Variants in RAB11FIP1 observed in about 807,000 individuals in gnomAD.
RAB11FIP1 encodes rab11 family-interacting protein 1.
RAB11FIP1 carries 49 observed loss-of-function variants against 83.1 expected under a neutral mutation model. The ratio of observed to expected loss-of-function variants is 0.59; its 90% CI spans 0.47 to 0.75. RAB11FIP1 has a LOEUF of 0.75. RAB11FIP1 is among the 30% of genes least tolerant of loss of function. The pLI is 0.00. For synonymous variants in RAB11FIP1, 670 were observed against 656.0 expected (o/e 1.02, Z -0.33); for missense variants, 1,536 against 1,598.7 (o/e 0.96, Z 0.67).
intron 1 of RAB11FIP1, among the ~76,000 whole-genome samples, chr8:37,879,755 T>G (rs1316945707): frequency 1.3e-5 from 2 of 151,972 alleles, no homozygotes; most frequent in South Asian, 4.2e-4. Context: ...TTGTGCCACA[T>G]GCCTGTAATT....
Position 37,872,948 on chromosome 8 carries a change from T to C in RAB11FIP1, c.1854A>G (p.Val618=). 6.2e-7 allele frequency: 1 copy of C among 1,614,208 alleles called. No homozygotes were observed. ...TSTPIESWPL[V]DRGQAKSEGP... Reference sequence around the variant, plus strand: ...CTTCAGACTTGGCCTGGCCCCTGTCTACGAGAGGCCAGCTTTCAATTGGAG... The same window carrying C: ...CTTCAGACTTGGCCTGGCCCCTGTCCACGAGAGGCCAGCTTTCAATTGGAG... Residue 618 remains valine (V), a synonymous_variant, in exon 4 of 6, where the codon GTA becomes GTG. Coordinates refer to ENST00000330843, the MANE Select transcript of RAB11FIP1 (RefSeq NM_001002814.3).
chr8:37,881,107 C>T (rs1390666704), intron 1 of RAB11FIP1, among the ~76,000 whole-genome samples: 1 of 152,236 alleles, frequency 6.6e-6, no homozygotes, highest in South Asian at 2.1e-4. Context: ...TAAACAGCAC[C>T]TGTGGCATAC....
intron 2 of RAB11FIP1, among the ~76,000 whole-genome samples, chr8:37,875,733 A>G (rs1806594005): frequency 6.6e-6 from 1 of 152,172 alleles, no homozygotes; most frequent in African/African-American, 2.4e-5. Flanking sequence ...GGTTGAGCAC[A>G]TCACAGGAAC....
chr8:37,874,436 CAAGAGCTGGTCTAACGTAA>C, intron 3 of RAB11FIP1, 60 bp downstream of exon 3: 2 of 1,139,460 alleles, frequency 1.8e-6, no homozygotes, highest in Non-Finnish European at 2.6e-6. Context: ...ATGGGACCCA[CAAGAGCTGGTCTAACGTAA>C]GCCTGAAAAC....
At chr8:37,877,708 ATTTTTTTTTTT>A (rs59670170) in intron 1 of RAB11FIP1, 157 bp from the exon 2 acceptor site, 44 of 211,112 alleles carry the variant, frequency 2.1e-4, no homozygotes, top group Middle Eastern at 1.7e-3. Flanking sequence ...TGAGAGCAGA[ATTTTTTTTTTT>A]TTTTTTTTTT....
chr8:37,871,483 T>C lies in RAB11FIP1; in HGVS notation c.3319A>G (p.Thr1107Ala). Residue 1107 changes from threonine (T) to alanine (A), a missense_variant, in exon 4 of 6, where the codon ACA becomes GCA. By Grantham distance (58) the Thr-to-Ala change is moderately conservative. Coordinates refer to ENST00000330843, the MANE Select transcript of RAB11FIP1 (RefSeq NM_001002814.3). ...TGTGCAGAGCTGGGGAAAGAGTGTG[T>C]GACAGGAAAGATCTCAGAAGGGGAG... ...SPSPSEIFPV[T>A]HSFPSSAHSD... 3 of 1,613,278 alleles carry C rather than the reference T, an allele frequency of 1.9e-6. No individual in the cohort carries two copies. The highest frequency in any genetic ancestry group is 2.5e-6 in the Non-Finnish European group (3 of 1,179,686).
At chr8:37,871,005 T>C (rs766115146) in intron 4 of RAB11FIP1, 4 of 424,826 alleles carry the variant, frequency 9.4e-6, no homozygotes, top group Non-Finnish European at 8.4e-6. Flanking sequence ...GTTAAGATAC[T>C]GGTGGCATTG....
In RAB11FIP1 at chr8:37,871,719, C is replaced by T; in HGVS notation, c.3083G>A (p.Cys1028Tyr). ...ADRLVLGEGLCDFRLQAPQAS... is the reference protein window; with the variant it reads ...ADRLVLGEGLYDFRLQAPQAS... ...CTGGGGTGCTTGCAGCCTGAAATCA[C>T]ACAGGCCCTCCCCCAGTACCAACCT... Residue 1028 changes from cysteine to tyrosine, a missense_variant, in exon 4 of 6, where the codon TGT (cysteine) becomes TAT (tyrosine). Cys to Tyr is a radical substitution (Grantham distance 194, BLOSUM62 -2). Transcript: ENST00000330843. The T allele has an allele frequency of 6.2e-7, 1 of 1,613,622 alleles. No individual in the cohort carries two copies.
At position 37,877,515 on chromosome 8, in the gene RAB11FIP1, G is replaced by A; in HGVS notation, c.408C>T (p.Asp136=). The A allele has an allele frequency of 2.5e-6, 4 of 1,610,482 alleles. No homozygotes were observed. Among genetic ancestry groups the A allele is most frequent in the Non-Finnish European group, 3.4e-6 (4 of 1,179,804 alleles). ...YKLKSKPGKK[D]KERGEIEVDI... ...CAACCTCAATTTCTCCTCGCTCCTT[G>A]TCCTTCTTTCCTGGTTTGGATTTCA... The change falls in exon 2 of 6, where the codon GAC becomes GAT. Residue 136 remains aspartate, a synonymous_variant. Transcript: ENST00000330843.
Position 37,872,453 on chromosome 8 carries a change from G to T in RAB11FIP1, c.2349C>A (p.Ser783=). 6.2e-7 allele frequency: 1 copy of T among 1,614,094 alleles called. No homozygotes were observed. The highest frequency in any genetic ancestry group is 8.5e-7 in the Non-Finnish European group (1 of 1,180,020). The part of the protein sequence containing the change: ...PPLPMGASVP[S]IDSMMRKLEE... ...CCAGCTTCCGCATCATGGAATCAAT[G>T]GAAGGGACTGATGCTCCCATGGGAA... The change falls in exon 4 of 6, where the codon TCC becomes TCA. Residue 783 remains serine, a synonymous_variant. Coordinates refer to ENST00000330843, the MANE Select transcript of RAB11FIP1 (RefSeq NM_001002814.3).
At chr8:37,888,758 G>C (rs1231874792) in intron 1 of RAB11FIP1, among the ~76,000 whole-genome samples, 6 of 148,322 alleles carry the variant, frequency 4.0e-5, no homozygotes, top group Non-Finnish European at 8.9e-5. Flanking sequence ...AGCCACCACT[G>C]CACCCAGCCC....
chr8:37,881,997 C>T (rs1484502894), intron 1 of RAB11FIP1, among the ~76,000 whole-genome samples: 2 of 152,126 alleles, frequency 1.3e-5, no homozygotes, highest in African/African-American at 4.8e-5. Flanking sequence ...TTTGTAAATA[C>T]CAGTTGCAGG....
chr8:37,886,690 G>A (rs1268511702), intron 1 of RAB11FIP1, among the ~76,000 whole-genome samples: 1 of 152,166 alleles, frequency 6.6e-6, no homozygotes, highest in Non-Finnish European at 1.5e-5. Context: ...AAAGAAGCAG[G>A]AAGAACAGAA....
At chr8:37,869,227 C>CAAAAAAAAAA (rs59449975) in intron 5 of RAB11FIP1, among the ~76,000 whole-genome samples, 2 of 126,894 alleles carry the variant, frequency 1.6e-5, no homozygotes, top group African/African-American at 6.0e-5. Flanking sequence ...GATCCTGTAT[C>CAAAAAAAAAA]AAAAAAAAAA....
At chr8:37,893,690 T>C (rs1007738872) in intron 1 of RAB11FIP1, among the ~76,000 whole-genome samples, 19 of 152,136 alleles carry the variant, frequency 1.2e-4, no homozygotes, top group African/African-American at 4.3e-4. Context: ...CTCGGGAAGC[T>C]GAGCTGGGAG....
At chr8:37,887,875 T>G (rs143423859) in intron 1 of RAB11FIP1, among the ~76,000 whole-genome samples, 2,310 of 152,350 alleles carry the variant, frequency 0.015, 25 homozygotes, top group Middle Eastern at 0.031. Flanking sequence ...GTCAAACTTA[T>G]AATTTTGAAT....
chr8:37,892,522 T>C (rs184214942), intron 1 of RAB11FIP1, among the ~76,000 whole-genome samples: 2 of 152,116 alleles, frequency 1.3e-5, no homozygotes, highest in East Asian at 3.9e-4. Flanking sequence ...TGGCGCAGTC[T>C]CAGCTCACCG....
At position 37,899,215 on chromosome 8, in the gene RAB11FIP1, G is replaced by A. The variant is rs1398030372; in HGVS notation, c.227C>T (p.Ser76Leu). 1 of 1,581,238 alleles carries A rather than the reference G, an allele frequency of 6.3e-7. No individual in the cohort carries two copies. Among genetic ancestry groups the A allele is most frequent in the Admixed American group, 1.8e-5 (1 of 56,236 alleles). The change falls in exon 1 of 6, where the codon TCG (serine) becomes TTG (leucine). Residue 76 changes from serine (S) to leucine (L), a missense_variant. By Grantham distance (145) the Ser-to-Leu change is moderately radical (BLOSUM62 -2). Transcript: ENST00000330843. This position sits in a 1 kb window ranked among gnomAD's most constrained non-coding sequence, Gnocchi z 4.5. ...WREEATFELP[S>L]LLSSGPAAAA... Reference sequence around the variant, plus strand: ...GGCCGCGGGTCCGGAGGACAGCAGCGATGGCAGCTCGAAGGTGGCCTCCTC... The same window carrying A: ...GGCCGCGGGTCCGGAGGACAGCAGCAATGGCAGCTCGAAGGTGGCCTCCTC...
At position 37,863,104 on chromosome 8, in the gene RAB11FIP1, G is replaced by C. The variant is rs765379157; in HGVS notation, c.3643C>G (p.Pro1215Ala). The change falls in exon 6 of 6, where the codon CCC (proline) becomes GCC (alanine). Residue 1215 changes from proline (P) to alanine (A), a missense_variant. Pro to Ala is a conservative substitution (Grantham distance 27, BLOSUM62 -1). Coordinates refer to ENST00000330843, the MANE Select transcript of RAB11FIP1 (RefSeq NM_001002814.3). ...NNEVMMKKYSPSDPAFAYAQL... is the reference protein window; with the variant it reads ...NNEVMMKKYSASDPAFAYAQL... ...GCATATGCAAATGCAGGGTCCGAGGGGCTGTATTTCTTTGGAGGGGGGGAA... is the reference window on the plus strand; with the variant it reads ...GCATATGCAAATGCAGGGTCCGAGGCGCTGTATTTCTTTGGAGGGGGGGAA... 1 of 1,611,402 alleles carries C rather than the reference G, an allele frequency of 6.2e-7. No individual in the cohort carries two copies. The highest frequency in any genetic ancestry group is 8.5e-7 in the Non-Finnish European group (1 of 1,179,504).
Sources: gnomAD v4.1 joint callset for allele counts (sites outside exome capture counted in the v4.1 genomes callset) on GRCh38, gnomAD v4.1.1 for gene constraint, Gnocchi (gnomAD v3.1) non-coding constraint, MANE v1.5 for transcripts, NCBI Gene and HGNC (gene_info 2026-07-23, HGNC 2026-07-21) for gene names.